The following ANKRD31 variants were observed in gnomAD, a reference collection of about 807,000 sequenced individuals.
ANKRD31 encodes the protein ankyrin repeat domain 31.
In ANKRD31, 147 loss-of-function variants were observed where a neutral mutation model predicts 186.0. That is an observed-to-expected ratio of 0.79 (90% CI 0.69 to 0.91). The LOEUF (loss-of-function observed/expected upper bound fraction) is 0.91, where lower values mean the gene tolerates loss of function less well. ANKRD31 is among the 40% of genes least tolerant of loss of function. ANKRD31 has a pLI of 0.00. For missense variants in ANKRD31, 1,986 were observed against 2,148.8 expected, an observed-to-expected ratio of 0.92 and a Z score of 1.50; for synonymous variants, 673 against 736.4, an observed-to-expected ratio of 0.91 and a Z score of 1.39.
chr5:75,159,595 G>GA (rs1224747897), intron 11 of ANKRD31, among the ~76,000 whole-genome samples: 3 of 148,814 alleles, frequency 2.0e-5, no homozygotes, highest in Non-Finnish European at 4.5e-5. Flanking sequence ...ATGCTGAAAG[G>GA]AAAAAAAACT....
At chr5:75,099,550 C>T (rs1746640059) in intron 22 of ANKRD31, among the ~76,000 whole-genome samples, 1 of 152,194 alleles carries the variant, frequency 6.6e-6, no homozygotes, top group African/African-American at 2.4e-5. Context: ...AGCTGTGAAT[C>T]CATCTGGTCC....
intron 6 of ANKRD31, among the ~76,000 whole-genome samples, chr5:75,198,676 C>T (rs1234621710): frequency 4.6e-5 from 7 of 152,080 alleles, no homozygotes; most frequent in African/African-American, 1.7e-4. Flanking sequence ...TGGTCAAGAT[C>T]GCCAGAATTA....
intron 1 of ANKRD31, among the ~76,000 whole-genome samples, chr5:75,235,072 G>A (rs1042903351): frequency 4.6e-5 from 7 of 151,748 alleles, no homozygotes; most frequent in Admixed American, 3.9e-4. Context: ...GTCACTTTAT[G>A]TGCCAGTATC....
At chr5:75,149,581 C>T in intron 12 of ANKRD31, among the ~76,000 whole-genome samples, 1 of 151,892 alleles carries the variant, frequency 6.6e-6, no homozygotes, top group Middle Eastern at 3.2e-3. Flanking sequence ...TCTCTGGGGA[C>T]TCAATCCAGA....
chr5:75,122,559 A>T (rs1748883722), intron 17 of ANKRD31, among the ~76,000 whole-genome samples: 1 of 152,184 alleles, frequency 6.6e-6, no homozygotes, highest in Non-Finnish European at 1.5e-5. Flanking sequence ...TGAATCCACC[A>T]GCACATCAAA....
chr5:75,132,053 T>C (rs1245699898), intron 17 of ANKRD31, among the ~76,000 whole-genome samples: 1 of 152,128 alleles, frequency 6.6e-6, no homozygotes, highest in Non-Finnish European at 1.5e-5. Context: ...ACCACAAAGA[T>C]GGGGAGAAAC....
At chr5:75,177,331 T>C (rs945038829) in intron 10 of ANKRD31, among the ~76,000 whole-genome samples, 2 of 152,156 alleles carry the variant, frequency 1.3e-5, no homozygotes, top group Non-Finnish European at 2.9e-5. Context: ...CCAGGAGAAC[T>C]TCCCCAATCT....
At chr5:75,217,169 C>T (rs1757009592) in intron 3 of ANKRD31, among the ~76,000 whole-genome samples, 1 of 152,024 alleles carries the variant, frequency 6.6e-6, no homozygotes, top group East Asian at 1.9e-4. Flanking sequence ...AGAATATGTG[C>T]CATGTGGCAA....
intron 10 of ANKRD31, among the ~76,000 whole-genome samples, chr5:75,186,169 C>G (rs991311469): frequency 5.3e-5 from 8 of 152,128 alleles, no homozygotes; most frequent in Admixed American, 6.5e-5. Context: ...CATTCTACAA[C>G]AGATCTTTTA....
chr5:75,133,873 G>A (rs2968589), intron 17 of ANKRD31, among the ~76,000 whole-genome samples: 26 of 152,074 alleles, frequency 1.7e-4, no homozygotes, highest in South Asian at 6.2e-4. Context: ...ACTCAAAACC[G>A]CTCAAATACA....
At chr5:75,203,628 A>C (rs918604880) in intron 5 of ANKRD31, among the ~76,000 whole-genome samples, 2 of 147,814 alleles carry the variant, frequency 1.4e-5, no homozygotes, top group Non-Finnish European at 3.0e-5. Context: ...GCGCCACTGC[A>C]CTCCAGCCTG....
At chr5:75,112,829 G>A (rs1314123198) in intron 19 of ANKRD31, among the ~76,000 whole-genome samples, 1 of 151,962 alleles carries the variant, frequency 6.6e-6, no homozygotes, top group Non-Finnish European at 1.5e-5. Flanking sequence ...TAGATCTCCT[G>A]GAAAATAGAA....
intron 20 of ANKRD31, 25 bp downstream of exon 20, chr5:75,112,488 T>C: frequency 7.2e-7 from 1 of 1,394,448 alleles, no homozygotes; most frequent in African/African-American, 1.4e-5. Flanking sequence ...GAAAATATCA[T>C]ACTTGAGTAT....
chr5:75,078,483 T>A (rs2150008680), intron 25 of ANKRD31, among the ~76,000 whole-genome samples: 1 of 152,290 alleles, frequency 6.6e-6, no homozygotes, highest in African/African-American at 2.4e-5. Flanking sequence ...ACAAATGATG[T>A]TAGGTCCCCA....
chr5:75,073,298 T>TAAA, intron 25 of ANKRD31, among the ~76,000 whole-genome samples: 1 of 140,770 alleles, frequency 7.1e-6, no homozygotes, highest in South Asian at 2.3e-4. Flanking sequence ...CTCCATCTCT[T>TAAA]AAAAAAAAAA....
chr5:75,087,259 C>G (rs1348019222), intron 23 of ANKRD31, among the ~76,000 whole-genome samples: 1 of 152,038 alleles, frequency 6.6e-6, no homozygotes, highest in African/African-American at 2.4e-5. Context: ...TACCTGTAAC[C>G]CCAGCACTTT....
At chr5:75,192,170 T>A (rs1045424034) in intron 9 of ANKRD31, among the ~76,000 whole-genome samples, 1 of 152,142 alleles carries the variant, frequency 6.6e-6, no homozygotes, top group African/African-American at 2.4e-5. Flanking sequence ...TCTGATACAA[T>A]ATTATTTTTT....
At position 75,132,633 on chromosome 5, in the gene ANKRD31, A is replaced by G. The variant is rs540476940; in HGVS notation, c.3876+5223T>C. Among the ~76,000 whole-genome samples the G allele has an allele frequency of 2.5e-3, 385 of 152,328 alleles. 9 individuals carry two copies. In the East Asian group the frequency reaches 0.062, roughly 24 times the overall value. On this transcript the variant is annotated intron_variant, in intron 17 of 25. Coordinates refer to ENST00000506364, the MANE Select transcript of ANKRD31 (RefSeq NM_001372053.1). ...GAGAACTTCCCCAATCTAGCAAGGC[A>G]GGCCAACATTCAAATTCAGGAAATA...
chr5:75,101,938 A>T (rs1746924740), intron 22 of ANKRD31, among the ~76,000 whole-genome samples: 1 of 152,214 alleles, frequency 6.6e-6, no homozygotes, highest in Non-Finnish European at 1.5e-5. Context: ...AACTTGTCAA[A>T]GTCATTTTCC....
Sources: allele counts gnomAD v4.1 joint callset (sites outside exome capture counted in the v4.1 genomes callset), GRCh38; gene constraint gnomAD v4.1.1; transcripts MANE v1.5; gene names NCBI Gene and HGNC (gene_info 2026-07-23, HGNC 2026-07-21).